NDC1: variants seen among roughly 807,000 people sequenced by gnomAD.
The protein encoded by NDC1 is NDC1 transmembrane nucleoporin.
A neutral mutation model predicts 89.8 loss-of-function variants in NDC1; 24 were observed. The ratio of observed to expected loss-of-function variants is 0.27; its 90% confidence interval spans 0.19 to 0.38. The LOEUF is 0.38. NDC1 is among the 10% of genes least tolerant of loss of function. NDC1 has a pLI of 1.00. For synonymous variants in NDC1, 296 were observed against 284.8 expected (o/e 1.04, Z -0.39); for missense variants, 728 against 797.6 (o/e 0.91, Z 1.05).
chr1:53,804,782 A>AT (rs56269011), intron 9 of NDC1, among the ~76,000 whole-genome samples: 46,147 of 145,940 alleles, frequency 0.32, 8,492 homozygotes, highest in South Asian at 0.49. Context: ...CGGCCACCCT[A>AT]TTTTTTTTTT....
chr1:53,819,092 A>G lies in NDC1; in HGVS notation c.595-13T>C, dbSNP rs1358553371. The G allele has an allele frequency of 7.6e-7, 1 of 1,311,672 alleles. No individual in the cohort carries two copies. The highest frequency in any genetic ancestry group is 1.1e-6 in the Non-Finnish European group (1 of 924,954). The allele number at this position is 1,311,672 out of a possible 1,614,324, so 81.3% of individuals were successfully genotyped here. A position where few individuals can be genotyped will look rare whatever the true frequency, so the allele number is the denominator to read the frequency against. On this transcript the variant is annotated splice_polypyrimidine_tract_variant and intron_variant, in intron 5 of 17. Coordinates refer to ENST00000371429, the MANE Select transcript of NDC1 (RefSeq NM_018087.5). ...AGAACTTGTATTGCTGTGGGGAAAAAAAAAAGAATCAAATGACACATTCAA... is the reference window on the plus strand; with the variant it reads ...AGAACTTGTATTGCTGTGGGGAAAAGAAAAAGAATCAAATGACACATTCAA...
intron 14 of NDC1, among the ~76,000 whole-genome samples, chr1:53,792,193 T>C (rs567729737): frequency 2.6e-3 from 400 of 152,206 alleles, no homozygotes; most frequent in Admixed American, 4.2e-3. Context: ...CCGCCCGCCT[T>C]GGCCTCCAAA....
At chr1:53,804,707 C>G (rs532789684) in intron 9 of NDC1, among the ~76,000 whole-genome samples, 4 of 152,234 alleles carry the variant, frequency 2.6e-5, no homozygotes, top group African/African-American at 9.6e-5. Flanking sequence ...AAACTCCTGA[C>G]CTCAAGTGAT....
At chr1:53,835,683 C>A in intron 1 of NDC1, 63 bp from the exon 2 acceptor site, 1 of 1,436,766 alleles carries the variant, frequency 7.0e-7, no homozygotes, top group African/African-American at 1.4e-5. Context: ...TTATGCAAAT[C>A]CTATCTTTTC....
At chr1:53,814,408 A>T (rs1253784351) in intron 6 of NDC1, among the ~76,000 whole-genome samples, 1 of 152,154 alleles carries the variant, frequency 6.6e-6, no homozygotes, top group Non-Finnish European at 1.5e-5. Flanking sequence ...GAATGACAAT[A>T]ATGACACAAC....
At position 53,820,701 on chromosome 1, in the gene NDC1, CTTTTTTTTT is replaced by C. The variant is rs927514677; in HGVS notation, c.595-1631_595-1623del. On this transcript the variant is annotated intron_variant, in intron 5 of 17. Coordinates refer to ENST00000371429, the MANE Select transcript of NDC1 (RefSeq NM_018087.5). ...AAAAATAAAAGATGTACTTCTCTCT[CTTTTTTTTT>C]TTTTTTTTTTTTTTTTGGAGATAAG... Among the ~76,000 whole-genome samples the C allele has an allele frequency of 5.1e-3, 383 of 74,918 alleles. 1 individual carries two copies. Among genetic ancestry groups the C allele is most frequent in the African/African-American group, 0.02 (359 of 17,866 alleles). 49.1% of individuals were successfully genotyped at this position (74,918 alleles called of 152,430 possible).
In NDC1 at chr1:53,806,626, T is replaced by C. The variant is rs1234531814; in HGVS notation, c.892-109A>G. 5.2e-6 allele frequency: 3 copies of C among 571,454 alleles called. No homozygotes were observed. The African/African-American group carries it at 5.8e-5, about 11-fold the overall frequency. 35.4% of individuals were successfully genotyped at this position (571,454 alleles called of 1,614,324 possible). A position where few individuals can be genotyped will look rare whatever the true frequency, so the allele number is the denominator to read the frequency against. On this transcript the variant is annotated intron_variant, in intron 8 of 17. Transcript: ENST00000371429. ...GACAGCACAAGCAAACTGACATCTT[T>C]CGTGCTCCTTGCAAAGACAGGTTAA...
rs77631511 is a variant in NDC1 at position 53,793,450 on chromosome 1, T to G, written c.1585-171A>C. On this transcript the variant is annotated intron_variant, in intron 13 of 17. Transcript: ENST00000371429. ...CAATACGCCATGTAACTAAATACCT[T>G]TGTGCTACAAATTGGACAACCAAGA... 5.4e-3 allele frequency among the ~76,000 whole-genome samples: 820 copies of G among 152,294 alleles called. 4 individuals are homozygous for G. The highest frequency in any genetic ancestry group is 0.018 in the African/African-American group (730 of 41,566).
intron 7 of NDC1, among the ~76,000 whole-genome samples, chr1:53,808,081 G>A (rs760127490): frequency 3.3e-5 from 5 of 152,142 alleles, no homozygotes; most frequent in Admixed American, 1.3e-4. Context: ...GCCTCACTAC[G>A]AGCAGCTGGG....
At chr1:53,819,348 T>C (rs1648582244) in intron 5 of NDC1, among the ~76,000 whole-genome samples, 1 of 152,220 alleles carries the variant, frequency 6.6e-6, no homozygotes, top group Non-Finnish European at 1.5e-5. Flanking sequence ...ACTATGCAGA[T>C]GAAGAAAGTA....
chr1:53,829,408 T>C (rs1437467379), intron 3 of NDC1, among the ~76,000 whole-genome samples: 2 of 152,198 alleles, frequency 1.3e-5, no homozygotes, highest in Non-Finnish European at 2.9e-5. Context: ...CTCTAGAACA[T>C]CATTTTCCTT....
Position 53,819,083 on chromosome 1 carries a change from T to TG in NDC1, c.595-5dup. The TG allele has an allele frequency of 2.1e-6, 3 of 1,419,850 alleles. No individual in the cohort carries two copies. The highest frequency in any genetic ancestry group is 2.9e-6 in the Non-Finnish European group (3 of 1,022,694). 88.0% of individuals were successfully genotyped at this position (1,419,850 alleles called of 1,614,324 possible). On this transcript the variant is annotated splice_region_variant and splice_polypyrimidine_tract_variant and intron_variant, in intron 5 of 17. Transcript: ENST00000371429. Reference sequence around the variant, plus strand: ...TAAAACGCAAGAACTTGTATTGCTGTGGGGAAAAAAAAAAGAATCAAATGA... The same window carrying TG: ...TAAAACGCAAGAACTTGTATTGCTGTGGGGGAAAAAAAAAAGAATCAAATGA...
intron 11 of NDC1, among the ~76,000 whole-genome samples, chr1:53,798,138 T>TTTTTTTTTA (rs138762442): frequency 1.2e-4 from 16 of 133,012 alleles, no homozygotes; most frequent in Non-Finnish European, 4.7e-5. Context: ...CCATCTTCTT[T>TTTTTTTTTA]TTATTATTAT....
At chr1:53,831,674 A>C (rs1316931442) in intron 3 of NDC1, among the ~76,000 whole-genome samples, 1 of 151,844 alleles carries the variant, frequency 6.6e-6, no homozygotes, top group Non-Finnish European at 1.5e-5. Context: ...TCTGTCTCAA[A>C]AAAAAAAAAG....
In NDC1 at chr1:53,796,677, A is replaced by C; in HGVS notation, c.1584+12T>G. 6.5e-7 allele frequency: 1 copy of C among 1,527,124 alleles called. No homozygotes were observed. The highest frequency in any genetic ancestry group is 8.9e-7 in the Non-Finnish European group (1 of 1,117,622). The allele number at this position is 1,527,124 out of a possible 1,614,324, so 94.6% of individuals were successfully genotyped here. A position where few individuals can be genotyped will look rare whatever the true frequency, so the allele number is the denominator to read the frequency against. On this transcript the variant is annotated intron_variant, in intron 13 of 17. Coordinates refer to ENST00000371429, the MANE Select transcript of NDC1 (RefSeq NM_018087.5). ...ACATGCAAATATAAATCCTATAACC[A>C]TATCATCCTACCTGTTCACGTTTAT... is the stretch of plus-strand genomic sequence containing the variant.
intron 11 of NDC1, among the ~76,000 whole-genome samples, chr1:53,799,617 C>T (rs1411750942): frequency 2.6e-5 from 4 of 152,108 alleles, no homozygotes; most frequent in Admixed American, 2.6e-4. Context: ...TTTCAGGCTT[C>T]TCTTTTTTAA....
At chr1:53,781,308 G>A (rs1199221915) in intron 16 of NDC1, among the ~76,000 whole-genome samples, 1 of 152,160 alleles carries the variant, frequency 6.6e-6, no homozygotes, top group Non-Finnish European at 1.5e-5. Flanking sequence ...TATGAACTCA[G>A]CAATGCTTTC....
At chr1:53,793,500 T>G (rs574564573) in intron 13 of NDC1, among the ~76,000 whole-genome samples, 6 of 152,344 alleles carry the variant, frequency 3.9e-5, no homozygotes, top group South Asian at 2.1e-4. Flanking sequence ...TGTATTCCCA[T>G]GTATACACGT....
intron 14 of NDC1, 21 bp downstream of exon 14, chr1:53,793,208 G>A (rs1191407971): frequency 1.2e-5 from 19 of 1,583,922 alleles, no homozygotes; most frequent in African/African-American, 2.7e-5. Flanking sequence ...CATTCCCAAC[G>A]CTATAACCAC....
Sources: allele counts gnomAD v4.1 joint callset (sites outside exome capture counted in the v4.1 genomes callset), GRCh38; gene constraint gnomAD v4.1.1; transcripts MANE v1.5; gene names NCBI Gene and HGNC (gene_info 2026-07-23, HGNC 2026-07-21).